The following TNFAIP8 variants were observed in gnomAD, a reference collection of about 807,000 sequenced individuals.
The protein encoded by TNFAIP8 is tumor necrosis factor alpha-induced protein 8.
A neutral mutation model predicts 13.3 loss-of-function variants in TNFAIP8; 7 were observed. That is an observed-to-expected ratio of 0.52 (90% CI 0.30 to 0.99). The LOEUF is 0.99. Ranked by LOEUF, TNFAIP8 falls within the 50% of genes least tolerant of loss-of-function variation. TNFAIP8 has a pLI of 0.07. For missense variants in TNFAIP8, 258 were observed against 236.9 expected, an observed-to-expected ratio of 1.09 and a Z score of -0.58; for synonymous variants, 94 against 87.6, an observed-to-expected ratio of 1.07 and a Z score of -0.41.
intron 1 of TNFAIP8, among the ~76,000 whole-genome samples, chr5:119,276,709 C>T (rs572729564): frequency 6.6e-6 from 1 of 152,248 alleles, no homozygotes; most frequent in South Asian, 2.1e-4. Context: ...GAGTGCCAGT[C>T]ATATTAGATT....
chr5:119,354,729 A>G (rs1428239802), upstream of TNFAIP8: 1 of 152,786 alleles, frequency 6.5e-6, no homozygotes, highest in Non-Finnish European at 1.5e-5. Flanking sequence ...GTTAATTTGC[A>G]TAAGGTCATA....
At chr5:119,368,396 T>G (rs1490671800) in intron 1 of TNFAIP8, among the ~76,000 whole-genome samples, 1 of 151,606 alleles carries the variant, frequency 6.6e-6, no homozygotes, top group Admixed American at 6.6e-5. Context: ...ACCCACACTT[T>G]CTCTTCTTTC....
chr5:119,305,779 A>G (rs1450164624), intron 1 of TNFAIP8, among the ~76,000 whole-genome samples: 2 of 152,216 alleles, frequency 1.3e-5, no homozygotes, highest in Non-Finnish European at 2.9e-5. Context: ...GTTTATGGAA[A>G]TTACTTTGCT....
At chr5:119,277,715 G>A (rs990583787) in intron 1 of TNFAIP8, among the ~76,000 whole-genome samples, 1 of 152,158 alleles carries the variant, frequency 6.6e-6, no homozygotes, top group Non-Finnish European at 1.5e-5. Flanking sequence ...TCTGAGACTG[G>A]GTAATTTGTA....
intron 1 of TNFAIP8, among the ~76,000 whole-genome samples, chr5:119,287,712 T>C (rs1019235550): frequency 6.6e-6 from 1 of 152,212 alleles, no homozygotes; most frequent in Non-Finnish European, 1.5e-5. Context: ...TCAGTAAATA[T>C]GTGTTAACGA....
At chr5:119,282,922 T>C (rs1035901157) in intron 1 of TNFAIP8, among the ~76,000 whole-genome samples, 3 of 152,244 alleles carry the variant, frequency 2.0e-5, no homozygotes, top group African/African-American at 7.2e-5. Context: ...ACTTATACAC[T>C]GTGTTCAGCT....
chr5:119,268,862 C>T, exon 1 of TNFAIP8: 1 of 703,666 alleles, frequency 1.4e-6, no homozygotes, highest in South Asian at 1.5e-5. Flanking sequence ...GCCAAACAGC[C>T]CAGCTCGCGC....
At chr5:119,294,002 A>G (rs182995834) in intron 1 of TNFAIP8, among the ~76,000 whole-genome samples, 2 of 151,864 alleles carry the variant, frequency 1.3e-5, no homozygotes. Context: ...ATATCAATTC[A>G]CTTTTAACGT....
intron 1 of TNFAIP8, among the ~76,000 whole-genome samples, chr5:119,326,026 C>T (rs1280640825): frequency 3.9e-5 from 6 of 152,222 alleles, no homozygotes; most frequent in South Asian, 2.1e-4. Flanking sequence ...GGTCTGCTGC[C>T]GCTTTTTCCC....
At chr5:119,346,323 T>C (rs781089355) in intron 1 of TNFAIP8, among the ~76,000 whole-genome samples, 2 of 152,144 alleles carry the variant, frequency 1.3e-5, no homozygotes, top group African/African-American at 2.4e-5. Flanking sequence ...GTGGATACTC[T>C]AGGAGCCATG....
At chr5:119,324,740 A>C (rs1581605280) in intron 1 of TNFAIP8, among the ~76,000 whole-genome samples, 1 of 152,324 alleles carries the variant, frequency 6.6e-6, no homozygotes, top group South Asian at 2.1e-4. Context: ...CAATAAAAAA[A>C]AAAGAGGCAC....
rs116597618 is a variant in TNFAIP8, at chr5:119,378,739, A to G, written c.32-14077A>G. Among the ~76,000 whole-genome samples, 479 of 152,358 alleles carry G rather than the reference A, an allele frequency of 3.1e-3. 2 individuals are homozygous for G. The highest frequency in any genetic ancestry group is 0.011 in the African/African-American group (462 of 41,580). ...CAGGGAAGAAAAGCAATAGATTAAAAAAATGAAAATGCATTTCTTTTACAC... is the reference window on the plus strand; with the variant it reads ...CAGGGAAGAAAAGCAATAGATTAAAGAAATGAAAATGCATTTCTTTTACAC... On this transcript the variant is annotated intron_variant, in intron 1 of 1. Transcript: ENST00000504771.
At chr5:119,358,305 G>A (rs1291757360) in intron 1 of TNFAIP8, among the ~76,000 whole-genome samples, 2 of 152,078 alleles carry the variant, frequency 1.3e-5, no homozygotes, top group Non-Finnish European at 2.9e-5. Flanking sequence ...GTCCTTGGAG[G>A]CCAGCATATT....
intron 1 of TNFAIP8, among the ~76,000 whole-genome samples, chr5:119,300,304 A>C (rs1313850035): frequency 6.6e-6 from 1 of 152,230 alleles, no homozygotes; most frequent in Non-Finnish European, 1.5e-5. Flanking sequence ...CATGGTAATC[A>C]CATCCTCAGA....
chr5:119,322,178 T>C (rs1372578049), intron 1 of TNFAIP8, among the ~76,000 whole-genome samples: 2 of 152,182 alleles, frequency 1.3e-5, no homozygotes, highest in Non-Finnish European at 2.9e-5. Context: ...CTGCCTCTGG[T>C]TTGTTTTTTC....
At chr5:119,354,973 C>G, upstream of TNFAIP8, 1 of 193,114 alleles carries the variant, frequency 5.2e-6, no homozygotes, top group Non-Finnish European at 1.1e-5. Context: ...TTGCCTCAGA[C>G]TGGCGATAAA....
intron 1 of TNFAIP8, chr5:119,333,222 C>T (rs1750439325): frequency 2.0e-6 from 2 of 1,009,720 alleles, no homozygotes; most frequent in East Asian, 9.1e-5. Context: ...TCTTGCATTT[C>T]TATGTAGTTG....
At position 119,300,636 on chromosome 5, in the gene TNFAIP8, G is replaced by A. The variant is rs961977117; in HGVS notation, c.1+31729G>A. Among the ~76,000 whole-genome samples the A allele has an allele frequency of 4.6e-5, 7 of 152,154 alleles. No homozygotes were observed. The South Asian group carries it at 1.0e-3, about 23-fold the overall frequency. On this transcript the variant is annotated intron_variant, in intron 1 of 1. Transcript: ENST00000274456. ...CATAATTAACATTCTTAAAAAGGTA[G>A]TTTTTTGTTCCCGTTTTGCAATGAG... is the stretch of plus-strand genomic sequence containing the variant.
intron 1 of TNFAIP8, among the ~76,000 whole-genome samples, chr5:119,304,052 G>T (rs1380029410): frequency 6.6e-6 from 1 of 152,010 alleles, no homozygotes; most frequent in Non-Finnish European, 1.5e-5. Flanking sequence ...ATACAGATCG[G>T]ATCCTGTCAT....
Sources: allele counts gnomAD v4.1 joint callset (sites outside exome capture counted in the v4.1 genomes callset), GRCh38; gene constraint gnomAD v4.1.1; transcripts MANE v1.5; gene names NCBI Gene and HGNC (gene_info 2026-07-23, HGNC 2026-07-21).